Variants in CDH12 observed in about 807,000 individuals in gnomAD.
The protein encoded by CDH12 is cadherin 12, also known as cadherin-12.
CDH12 carries 41 observed loss-of-function variants against 74.1 expected under a neutral mutation model. The ratio of observed to expected loss-of-function variants is 0.55; its 90% CI spans 0.43 to 0.72. The LOEUF (loss-of-function observed/expected upper bound fraction) is 0.72, where lower values mean the gene tolerates loss of function less well. Among genes scored for constraint, CDH12 ranks in the 30% least tolerant of loss-of-function variants. CDH12 has a pLI of 0.00. For synonymous variants in CDH12, 399 were observed against 355.0 expected, an observed-to-expected ratio of 1.12 and a Z score of -1.39; for missense variants, 945 against 977.2, an observed-to-expected ratio of 0.97 and a Z score of 0.44.
intron 1 of CDH12, among the ~76,000 whole-genome samples, chr5:22,648,166 C>T (rs939982355): frequency 1.3e-5 from 2 of 151,670 alleles, no homozygotes; most frequent in Non-Finnish European, 3.0e-5. Context: ...TTTTGATCCT[C>T]CAAAAGCACT....
At chr5:22,009,698 C>A (rs1412572902) in intron 5 of CDH12, among the ~76,000 whole-genome samples, 1 of 151,756 alleles carries the variant, frequency 6.6e-6, no homozygotes, top group Admixed American at 6.6e-5. Context: ...TTGTAGTTGG[C>A]CCGGCGCGGT....
chr5:22,679,714 G>T (rs570607912), intron 1 of CDH12, among the ~76,000 whole-genome samples: 2 of 151,948 alleles, frequency 1.3e-5, no homozygotes, highest in Non-Finnish European at 2.9e-5. Context: ...ATCATCATTT[G>T]CCCTTCTATT....
intron 1 of CDH12, among the ~76,000 whole-genome samples, chr5:22,732,491 C>A (rs1744483316): frequency 6.7e-6 from 1 of 148,914 alleles, no homozygotes; most frequent in Admixed American, 6.7e-5. Context: ...CACACACACA[C>A]ACACACACAC....
chr5:22,713,236 G>T (rs1316443187), intron 1 of CDH12, among the ~76,000 whole-genome samples: 1 of 139,872 alleles, frequency 7.1e-6, no homozygotes, highest in Non-Finnish European at 1.5e-5. Context: ...CGCCTCCCAG[G>T]TTCAAGCAAT....
At chr5:22,816,690 G>T (rs1368688514) in intron 1 of CDH12, among the ~76,000 whole-genome samples, 1 of 152,076 alleles carries the variant, frequency 6.6e-6, no homozygotes, top group Non-Finnish European at 1.5e-5. Context: ...GAACATTTTA[G>T]CTAATACAGC....
At chr5:21,831,509 AGTGTACCACCT>A (rs1255344859) in intron 8 of CDH12, among the ~76,000 whole-genome samples, 1 of 152,196 alleles carries the variant, frequency 6.6e-6, no homozygotes, top group Non-Finnish European at 1.5e-5. Flanking sequence ...AGAAGTGGCA[AGTGTACCACCT>A]GTGGAAATCA....
At chr5:22,745,339 A>G (rs1745239175) in intron 1 of CDH12, among the ~76,000 whole-genome samples, 1 of 152,142 alleles carries the variant, frequency 6.6e-6, no homozygotes, top group African/African-American at 2.4e-5. Flanking sequence ...TTTCAAATCT[A>G]AATCTTTTAC....
intron 1 of CDH12, among the ~76,000 whole-genome samples, chr5:22,828,438 T>C (rs532080882): frequency 2.6e-5 from 4 of 152,206 alleles, no homozygotes. Context: ...GACCATATTC[T>C]ATTTAAATGC....
intron 3 of CDH12, among the ~76,000 whole-genome samples, chr5:22,256,292 C>T (rs565806726): frequency 1.2e-4 from 18 of 152,064 alleles, no homozygotes; most frequent in African/African-American, 4.1e-4. Context: ...AATGGTGGTC[C>T]CATAAGATTA....
intron 10 of CDH12, among the ~76,000 whole-genome samples, chr5:21,790,851 T>A (rs557906977): frequency 2.0e-5 from 3 of 152,134 alleles, no homozygotes; most frequent in African/African-American, 7.2e-5. Context: ...CCTTCAACTT[T>A]CTAGTACTTG....
At chr5:21,785,216 A>T (rs535378309) in intron 10 of CDH12, among the ~76,000 whole-genome samples, 4 of 152,162 alleles carry the variant, frequency 2.6e-5, no homozygotes, top group African/African-American at 9.7e-5. Flanking sequence ...AACTTAATCA[A>T]TCAACGTTGT....
intron 1 of CDH12, among the ~76,000 whole-genome samples, chr5:22,648,687 C>A (rs531412468): frequency 5.9e-5 from 9 of 151,810 alleles, no homozygotes; most frequent in Non-Finnish European, 1.0e-4. Flanking sequence ...ATTATATTCA[C>A]AGGCAGTTTA....
chr5:22,272,739 C>A (rs972409152), intron 3 of CDH12, among the ~76,000 whole-genome samples: 2 of 152,136 alleles, frequency 1.3e-5, no homozygotes, highest in African/African-American at 4.8e-5. Flanking sequence ...ATTGGTGGAG[C>A]AGTCAGAATG....
At chr5:22,209,532 TGA>T (rs1364687108) in intron 4 of CDH12, among the ~76,000 whole-genome samples, 1 of 152,004 alleles carries the variant, frequency 6.6e-6, no homozygotes, top group African/African-American at 2.4e-5. Context: ...TATTTTATCC[TGA>T]GAGTGTGTCA....
chr5:22,424,085 A>T (rs533008814), intron 2 of CDH12, among the ~76,000 whole-genome samples: 1 of 151,002 alleles, frequency 6.6e-6, no homozygotes, highest in East Asian at 1.9e-4. Context: ...TGCTTGAGGT[A>T]TCCACGAAAA....
chr5:22,566,615 G>C (rs1033261599), intron 1 of CDH12, among the ~76,000 whole-genome samples: 2 of 152,042 alleles, frequency 1.3e-5, no homozygotes, highest in African/African-American at 2.4e-5. Context: ...AATCTTCCTA[G>C]AATCTTTCTT....
intron 1 of CDH12, among the ~76,000 whole-genome samples, chr5:22,734,971 A>G (rs1276219055): frequency 6.6e-6 from 1 of 151,928 alleles, no homozygotes. Flanking sequence ...ATTATGGAAT[A>G]TTATTCCTTC....
At chr5:22,012,255 A>G (rs1175633191) in intron 5 of CDH12, among the ~76,000 whole-genome samples, 1 of 149,714 alleles carries the variant, frequency 6.7e-6, no homozygotes, top group East Asian at 1.9e-4. Flanking sequence ...TTTAAACATC[A>G]AAAGAAAAAA....
intron 5 of CDH12, among the ~76,000 whole-genome samples, chr5:22,036,439 C>A (rs1371692215): frequency 6.6e-6 from 1 of 151,980 alleles, no homozygotes; most frequent in Admixed American, 6.6e-5. Context: ...AAATGGGGAC[C>A]CTTTCAGAAA....
Sources: gnomAD v4.1 joint callset for allele counts (sites outside exome capture counted in the v4.1 genomes callset) on GRCh38, gnomAD v4.1.1 for gene constraint, MANE v1.5 for transcripts, NCBI Gene and HGNC (gene_info 2026-07-23, HGNC 2026-07-21) for gene names.